Variants in RBFOX1 observed in about 807,000 individuals in gnomAD.
RBFOX1 encodes RNA binding protein fox-1 homolog 1.
RBFOX1 carries 8 observed loss-of-function variants against 57.7 expected under a neutral mutation model. The ratio of observed to expected loss-of-function variants is 0.14; its 90% CI spans 0.08 to 0.25. RBFOX1 has a LOEUF of 0.25. RBFOX1 is among the 10% of genes least tolerant of loss of function. The pLI is 1.00. For synonymous variants in RBFOX1, 326 were observed against 222.4 expected, an observed-to-expected ratio of 1.47 and a Z score of -4.15; for missense variants, 611 against 548.5, an observed-to-expected ratio of 1.11 and a Z score of -1.14.
chr16:6,592,386 TAGGG>T (rs1307329265), intron 2 of RBFOX1, among the ~76,000 whole-genome samples: 1 of 152,166 alleles, frequency 6.6e-6, no homozygotes, highest in African/African-American at 2.4e-5. Context: ...GCTTCATAAT[TAGGG>T]AGAATATTTT....
intron 2 of RBFOX1, among the ~76,000 whole-genome samples, chr16:5,562,319 C>G (rs374914567): frequency 4.6e-5 from 7 of 152,230 alleles, no homozygotes; most frequent in Middle Eastern, 3.4e-3. Context: ...GACAGCTGCC[C>G]GAGAAAGCTG....
rs180814590 is a variant in RBFOX1, at chr16:6,228,112, A to G, written c.-126-88883A>G. On this transcript the variant is annotated intron_variant, in intron 1 of 15. Transcript: ENST00000550418. ...GATCACTTGAGGTCAGGAGTTCGAG[A>G]CCAGCCTGGCCAACATGGTGAAACC... Among the ~76,000 whole-genome samples, 403 of 152,220 alleles carry G rather than the reference A, an allele frequency of 2.6e-3. 1 individual carries two copies. Among genetic ancestry groups the G allele is most frequent in the African/African-American group, 8.5e-3 (352 of 41,540 alleles).
At chr16:5,694,798 TTTTTGTTTTTG>T (rs1369566034) in intron 3 of RBFOX1, among the ~76,000 whole-genome samples, 1 of 31,868 alleles carries the variant, frequency 3.1e-5, no homozygotes, top group Non-Finnish European at 2.3e-4. Flanking sequence ...GTTGGGTTTG[TTTTTGTTTTTG>T]TTTTTGTTTT....
At chr16:5,487,400 T>G (rs1056659233) in intron 2 of RBFOX1, among the ~76,000 whole-genome samples, 9 of 152,276 alleles carry the variant, frequency 5.9e-5, no homozygotes, top group Non-Finnish European at 1.0e-4. Flanking sequence ...AAAGATGATG[T>G]GAGAGTTTCA....
chr16:5,675,625 A>G (rs1220108452), intron 3 of RBFOX1, among the ~76,000 whole-genome samples: 1 of 152,194 alleles, frequency 6.6e-6, no homozygotes, highest in Non-Finnish European at 1.5e-5. Context: ...GCCTTCTTGG[A>G]TGGCTTCCGC....
rs1164990785 is a variant in RBFOX1, at chr16:6,254,505, G to A, written c.-126-62490G>A. Reference sequence around the variant, plus strand: ...TGGGATTGGTAATAACCCTTGCTGAGTTTGAAGCTTGATCCCAAGGTCATA... The same window carrying A: ...TGGGATTGGTAATAACCCTTGCTGAATTTGAAGCTTGATCCCAAGGTCATA... On this transcript the variant is annotated intron_variant, in intron 1 of 15. Coordinates refer to ENST00000550418, the MANE Select transcript of RBFOX1 (RefSeq NM_018723.4). Among the ~76,000 whole-genome samples the A allele has an allele frequency of 2.6e-5, 4 of 152,168 alleles. No homozygotes were observed. The East Asian group carries it at 7.7e-4, about 29-fold the overall frequency.
At chr16:6,895,961 C>T (rs540971749) in intron 3 of RBFOX1, among the ~76,000 whole-genome samples, 2 of 151,748 alleles carry the variant, frequency 1.3e-5, no homozygotes, top group East Asian at 3.9e-4. Flanking sequence ...TGTGGGGTAC[C>T]AAAGATGTTT....
chr16:6,813,306 C>G (rs1212132701), intron 3 of RBFOX1, among the ~76,000 whole-genome samples: 1 of 152,132 alleles, frequency 6.6e-6, no homozygotes. Context: ...TGAAACAACC[C>G]TCTTCGTTTC....
At chr16:5,708,062 A>G (rs2051318016) in intron 3 of RBFOX1, among the ~76,000 whole-genome samples, 1 of 152,176 alleles carries the variant, frequency 6.6e-6, no homozygotes, top group Non-Finnish European at 1.5e-5. Context: ...GAAGGAGGCT[A>G]GTTGCTGTCC....
At chr16:7,174,588 C>G (rs748667295) in intron 4 of RBFOX1, among the ~76,000 whole-genome samples, 8 of 152,148 alleles carry the variant, frequency 5.3e-5, no homozygotes, top group Non-Finnish European at 7.4e-5. Context: ...TGAGATTAAC[C>G]TGGTGTAGGT....
At chr16:7,225,992 A>G (rs547783132) in intron 4 of RBFOX1, among the ~76,000 whole-genome samples, 19 of 151,556 alleles carry the variant, frequency 1.3e-4, no homozygotes, top group African/African-American at 2.7e-4. Context: ...GCGATGCTCT[A>G]AGGAATGGGC....
chr16:6,861,823 G>GTT (rs35138717), intron 3 of RBFOX1, among the ~76,000 whole-genome samples: 29,765 of 92,042 alleles, frequency 0.32, 3,760 homozygotes, highest in East Asian at 0.44. Context: ...GCGTCCCTTG[G>GTT]TTTTTTTTTT....
chr16:6,802,025 C>T lies in RBFOX1; in HGVS notation c.-16+147375C>T, dbSNP rs142535102. On this transcript the variant is annotated intron_variant, in intron 3 of 15. Coordinates refer to ENST00000550418, the MANE Select transcript of RBFOX1 (RefSeq NM_018723.4). ...GGAGGTTGGGGGAGTTCTTTTAGACCCCGCAATAAACTTGTTTGTGGAGGC... is the reference window on the plus strand; with the variant it reads ...GGAGGTTGGGGGAGTTCTTTTAGACTCCGCAATAAACTTGTTTGTGGAGGC... 5.2e-4 allele frequency among the ~76,000 whole-genome samples: 79 copies of T among 151,948 alleles called. No homozygotes were observed. In the East Asian group the frequency reaches 0.014, roughly 26 times the overall value.
intron 3 of RBFOX1, among the ~76,000 whole-genome samples, chr16:5,757,457 C>G (rs1269644687): frequency 6.6e-6 from 1 of 152,010 alleles, no homozygotes; most frequent in African/African-American, 2.4e-5. Context: ...GTCTCGATCT[C>G]TTGACCTTGT....
intron 1 of RBFOX1, among the ~76,000 whole-genome samples, chr16:6,224,081 A>T (rs1298909468): frequency 2.6e-5 from 4 of 152,024 alleles, no homozygotes; most frequent in Admixed American, 2.6e-4. Context: ...TGGTACCAGT[A>T]CCATGCTGTT....
chr16:7,516,138 C>A (rs1470443000), intron 4 of RBFOX1, among the ~76,000 whole-genome samples: 1 of 152,132 alleles, frequency 6.6e-6, no homozygotes, highest in Non-Finnish European at 1.5e-5. Context: ...AGGCAACATG[C>A]CCACCCTAAG....
At chr16:5,332,630 T>G in intron 1 of RBFOX1, among the ~76,000 whole-genome samples, 1 of 149,904 alleles carries the variant, frequency 6.7e-6, no homozygotes. Flanking sequence ...CAATTACATA[T>G]CGTATATTTA....
At chr16:6,127,338 C>G (rs1245606871) in intron 1 of RBFOX1, among the ~76,000 whole-genome samples, 1 of 151,162 alleles carries the variant, frequency 6.6e-6, no homozygotes, top group Non-Finnish European at 1.5e-5. Context: ...TCACCTTATT[C>G]AAGCACCTGC....
intron 4 of RBFOX1, among the ~76,000 whole-genome samples, chr16:6,006,815 A>T (rs2094930259): frequency 6.6e-6 from 1 of 152,174 alleles, no homozygotes; most frequent in Non-Finnish European, 1.5e-5. Context: ...AATGAGGGGA[A>T]CCTAAGAGGA....
Sources: gnomAD v4.1 joint callset for allele counts (sites outside exome capture counted in the v4.1 genomes callset) on GRCh38, gnomAD v4.1.1 for gene constraint, MANE v1.5 for transcripts, NCBI Gene and HGNC (gene_info 2026-07-23, HGNC 2026-07-21) for gene names.